RGS20: variants seen among roughly 807,000 people sequenced by gnomAD.
RGS20 encodes the protein gz-selective GTPase-activating protein.
Under a neutral mutation model 33.6 loss-of-function variants are expected in RGS20, and 30 were observed. The observed-to-expected ratio is 0.89, with a 90% confidence interval of 0.67 to 1.21. The LOEUF is 1.21. Ranked by LOEUF, RGS20 falls within the 50% of genes most tolerant of loss-of-function variation. The pLI, the probability that RGS20 is intolerant of heterozygous loss-of-function variation, is 0.00. For synonymous variants in RGS20, 208 were observed against 197.9 expected, an observed-to-expected ratio of 1.05 and a Z score of -0.43; for missense variants, 472 against 502.4, an observed-to-expected ratio of 0.94 and a Z score of 0.58.
At chr8:53,881,442 C>T (rs1812380877) in intron 2 of RGS20, among the ~76,000 whole-genome samples, 1 of 152,072 alleles carries the variant, frequency 6.6e-6, no homozygotes, top group Non-Finnish European at 1.5e-5. Context: ...CCACCCGAAG[C>T]GTATTTCGGA....
At chr8:53,953,147 G>T (rs1326145892) in intron 4 of RGS20, among the ~76,000 whole-genome samples, 1 of 152,110 alleles carries the variant, frequency 6.6e-6, no homozygotes, top group Non-Finnish European at 1.5e-5. Context: ...AAAAACACAG[G>T]CTTCACCACT....
At chr8:53,859,556 G>A (rs1811761323) in intron 1 of RGS20, among the ~76,000 whole-genome samples, 1 of 152,152 alleles carries the variant, frequency 6.6e-6, no homozygotes, top group South Asian at 2.1e-4. Context: ...CACTGCAAAT[G>A]TTTTAGAAAA....
At chr8:53,869,668 A>C (rs1326135485) in intron 1 of RGS20, among the ~76,000 whole-genome samples, 1 of 152,142 alleles carries the variant, frequency 6.6e-6, no homozygotes, top group Non-Finnish European at 1.5e-5. Context: ...AGCACAAGAG[A>C]GACTCAGTCT....
intron 1 of RGS20, among the ~76,000 whole-genome samples, chr8:53,870,267 A>G (rs1445451681): frequency 6.6e-6 from 1 of 152,074 alleles, no homozygotes; most frequent in Admixed American, 6.5e-5. Context: ...GTGTGTACAC[A>G]CACACACACA....
At chr8:53,944,025 T>A (rs1330075095) in intron 3 of RGS20, among the ~76,000 whole-genome samples, 4 of 149,890 alleles carry the variant, frequency 2.7e-5, no homozygotes, top group Non-Finnish European at 4.4e-5. Context: ...ACACACACAC[T>A]GAAAATTTAT....
At chr8:53,881,027 G>A (rs1812359249) in intron 2 of RGS20, 1 of 1,590,374 alleles carries the variant, frequency 6.3e-7, no homozygotes, top group Non-Finnish European at 8.5e-7. Flanking sequence ...TGCGCACGGC[G>A]GACGGAGGCG....
At position 53,898,887 on chromosome 8, in the gene RGS20, C is replaced by T. The variant is rs74445809; in HGVS notation, c.510+19285C>T. Among the ~76,000 whole-genome samples, 469 of 152,272 alleles carry T rather than the reference C, an allele frequency of 3.1e-3. 3 individuals are homozygous for T. The highest frequency in any genetic ancestry group is 0.011 in the African/African-American group (447 of 41,548). ...TTTGCATTTCTGATCTTTGTACTGA[C>T]GTATGCCTATGAAAGAAAACACTGA... On this transcript the variant is annotated intron_variant, in intron 2 of 5. Coordinates refer to ENST00000297313, the MANE Select transcript of RGS20 (RefSeq NM_170587.4).
At chr8:53,862,563 T>C (rs537790028) in intron 1 of RGS20, among the ~76,000 whole-genome samples, 22 of 152,212 alleles carry the variant, frequency 1.4e-4, no homozygotes, top group Non-Finnish European at 2.8e-4. Context: ...GGCTCATCCC[T>C]GTAATGCCAG....
chr8:53,906,996 T>C (rs1813198038), intron 2 of RGS20, among the ~76,000 whole-genome samples: 1 of 152,210 alleles, frequency 6.6e-6, no homozygotes, highest in Admixed American at 6.5e-5. Flanking sequence ...TCCCCAGACA[T>C]AGCTCTCTGG....
At chr8:53,919,979 T>A (rs1813597543) in intron 2 of RGS20, among the ~76,000 whole-genome samples, 2 of 152,130 alleles carry the variant, frequency 1.3e-5, no homozygotes, top group African/African-American at 4.8e-5. Context: ...GGCTATGTGA[T>A]CCTCCCACTT....
At position 53,953,021 on chromosome 8, in the gene RGS20, A is replaced by C. The variant is rs373134740; in HGVS notation, c.744-1055A>C. Among the ~76,000 whole-genome samples, 9 of 152,312 alleles carry C rather than the reference A, an allele frequency of 5.9e-5. No individual in the cohort carries two copies. In the East Asian group the frequency reaches 1.7e-3, roughly 29 times the overall value. ...GGTTCTTAAGGAAAATGGCGCATTCATAAGTGTTCATTTACACTAGAGACT... is the reference window on the plus strand; with the variant it reads ...GGTTCTTAAGGAAAATGGCGCATTCCTAAGTGTTCATTTACACTAGAGACT... On this transcript the variant is annotated intron_variant, in intron 4 of 5. Transcript: ENST00000297313.
At chr8:53,888,121 A>G (rs937135499) in intron 2 of RGS20, among the ~76,000 whole-genome samples, 6 of 152,228 alleles carry the variant, frequency 3.9e-5, no homozygotes, top group African/African-American at 1.4e-4. Flanking sequence ...GATATAATTC[A>G]TATATCTCCT....
At chr8:53,904,315 A>T (rs1009463424) in intron 2 of RGS20, among the ~76,000 whole-genome samples, 17 of 152,062 alleles carry the variant, frequency 1.1e-4, no homozygotes, top group Non-Finnish European at 1.9e-4. Flanking sequence ...TATTTTTAGT[A>T]GAGATGGGAT....
At chr8:53,861,508 G>A (rs976136025) in intron 1 of RGS20, among the ~76,000 whole-genome samples, 8 of 152,182 alleles carry the variant, frequency 5.3e-5, no homozygotes, top group Non-Finnish European at 8.8e-5. Context: ...TGAAAGAAAT[G>A]ATCAAAGCAG....
intron 2 of RGS20, among the ~76,000 whole-genome samples, chr8:53,935,770 C>T (rs1316639575): frequency 6.6e-6 from 1 of 152,136 alleles, no homozygotes; most frequent in African/African-American, 2.4e-5. Flanking sequence ...TATCCTGATA[C>T]CAAAACCTGC....
At chr8:53,865,142 A>C (rs780588353) in intron 1 of RGS20, among the ~76,000 whole-genome samples, 4 of 152,170 alleles carry the variant, frequency 2.6e-5, no homozygotes, top group Non-Finnish European at 4.4e-5. Flanking sequence ...GCCTGTCACA[A>C]ATTGTCCACT....
intron 2 of RGS20, among the ~76,000 whole-genome samples, chr8:53,933,348 G>C (rs556333358): frequency 3.3e-5 from 5 of 152,054 alleles, no homozygotes; most frequent in African/African-American, 1.2e-4. Context: ...ATGAAAGGAA[G>C]CTAAGAACCT....
chr8:53,898,081 T>C (rs1298819419), intron 2 of RGS20, among the ~76,000 whole-genome samples: 1 of 152,178 alleles, frequency 6.6e-6, no homozygotes, highest in Non-Finnish European at 1.5e-5. Context: ...CCTTGATGGC[T>C]GTGGGGCTGG....
rs77188328 is a variant in RGS20 at position 53,923,594 on chromosome 8, C to CA, written c.511-15969dup. On this transcript the variant is annotated intron_variant, in intron 2 of 5. Transcript: ENST00000297313. Reference sequence around the variant, plus strand: ...TGGGCGACAGAGTGAGACTCTGTCTCAAAAAAAAAAAAATTTCCAGAGACT... The same window carrying CA: ...TGGGCGACAGAGTGAGACTCTGTCTCAAAAAAAAAAAAAATTTCCAGAGACT... Among the ~76,000 whole-genome samples the CA allele has an allele frequency of 3.9e-3, 540 of 137,488 alleles. 4 individuals are homozygous for CA. Among genetic ancestry groups the CA allele is most frequent in the East Asian group, 0.024 (116 of 4,808 alleles). 90.2% of individuals were successfully genotyped at this position (137,488 alleles called of 152,430 possible).
Sources: allele counts gnomAD v4.1 joint callset (sites outside exome capture counted in the v4.1 genomes callset), GRCh38; gene constraint gnomAD v4.1.1; transcripts MANE v1.5; gene names NCBI Gene and HGNC (gene_info 2026-07-23, HGNC 2026-07-21).